E2F1: variants seen among roughly 807,000 people sequenced by gnomAD.
E2F1 encodes the protein E2F transcription factor 1, also known as transcription factor E2F1.
E2F1 carries 7 observed loss-of-function variants against 36.9 expected under a neutral mutation model. The ratio of observed to expected loss-of-function variants is 0.19; its 90% CI spans 0.11 to 0.36. The LOEUF (loss-of-function observed/expected upper bound fraction) is 0.36. E2F1 is among the 10% of genes least tolerant of loss of function. The probability of loss-of-function intolerance (pLI) is 1.00; values close to 1 mark genes in which losing one functional copy is unlikely to be tolerated. For missense variants in E2F1, 406 were observed against 573.6 expected (o/e 0.71, Z 2.99); for synonymous variants, 261 against 263.1 (o/e 0.99, Z 0.08).
chr20:33,679,844 C>T lies in E2F1; in HGVS notation c.483G>A (p.Lys161=). 1.2e-6 allele frequency: 2 copies of T among 1,614,264 alleles called. No homozygotes were observed. ...VDLNWAAEVL[K]VQKRRIYDIT... is the part of the protein sequence containing the mutation. ...TGTCATAGATGCGCCGCTTCTGCAC[C>T]TTCAGCACCTCGGCAGCCCAGTTCA... The change falls in exon 3 of 7, where the codon AAG becomes AAA. Residue 161 remains lysine, a synonymous_variant. Transcript: ENST00000343380. The surrounding 1 kb of genome is among the most constrained non-coding windows in gnomAD (Gnocchi z 4.6).
At chr20:33,680,986 C>G (rs572516495) in intron 1 of E2F1, among the ~76,000 whole-genome samples, 1 of 152,316 alleles carries the variant, frequency 6.6e-6, no homozygotes, top group African/African-American at 2.4e-5. Context: ...TAAGTCTTCC[C>G]TGAATTCCTG....
rs1415381743 is a variant in E2F1 at position 33,679,380 on chromosome 20, C to T, written c.572+375G>A. On this transcript the variant is annotated intron_variant, in intron 3 of 6. Transcript: ENST00000343380. The surrounding 1 kb of genome is among the most constrained non-coding windows in gnomAD (Gnocchi z 4.6). The stretch of plus-strand genomic sequence containing the variant: ...CCAACATGGTGAAACCCCATTTCTA[C>T]TACAAATACAAAAAGTAGCTGGGCA... 6.6e-6 allele frequency among the ~76,000 whole-genome samples: 1 copy of T among 152,152 alleles called. No individual in the cohort carries two copies. Among genetic ancestry groups the T allele is most frequent in the Non-Finnish European group, 1.5e-5 (1 of 68,034 alleles).
chr20:33,682,565 G>A (rs148897387), intron 1 of E2F1, among the ~76,000 whole-genome samples: 26 of 152,298 alleles, frequency 1.7e-4, no homozygotes, highest in Non-Finnish European at 3.2e-4. Context: ...TGCACCCCTT[G>A]CCTTCTCCCT....
intron 1 of E2F1, among the ~76,000 whole-genome samples, chr20:33,682,119 C>T (rs1467765027): frequency 6.6e-6 from 1 of 152,178 alleles, no homozygotes; most frequent in East Asian, 1.9e-4. Context: ...TCTCTCCCTA[C>T]ACATTTCTGC....
At chr20:33,684,616 A>T (rs2018048086) in intron 1 of E2F1, among the ~76,000 whole-genome samples, 1 of 152,212 alleles carries the variant, frequency 6.6e-6, no homozygotes, top group Non-Finnish European at 1.5e-5. Context: ...ACTGCTGCTG[A>T]TGGGGTTAAA....
At position 33,685,920 on chromosome 20, in the gene E2F1, C is replaced by A. The variant is rs893120684; in HGVS notation, c.261+84G>T. 5.7e-6 allele frequency: 6 copies of A among 1,050,048 alleles called. No homozygotes were observed. In the African/African-American group the frequency reaches 1.0e-4, roughly 18 times the overall value. 65.0% of individuals were successfully genotyped at this position (1,050,048 alleles called of 1,614,324 possible). A position where few individuals can be genotyped will look rare whatever the true frequency, so the allele number is the denominator to read the frequency against. ...TCAACCCCTCCCCCGCCCCCTGCCG[C>A]CTCCAGGCCAAACACGGCGCCCTCC... On this transcript the variant is annotated intron_variant, in intron 1 of 6. Coordinates refer to ENST00000343380, the MANE Select transcript of E2F1 (RefSeq NM_005225.3).
Position 33,686,355 on chromosome 20 carries a change from CG to C in E2F1, c.-92del. On this transcript the variant is annotated 5_prime_UTR_variant, in exon 1 of 7. Transcript: ENST00000343380. ...CCTCGGCGAGGGCTCGATCCCGCTC[CG>C]CCCCCGGCCGCCGCTGCCTGCAAAG... 1 of 958,212 alleles carries C rather than the reference CG, an allele frequency of 1.0e-6. No homozygotes were observed. The highest frequency in any genetic ancestry group is 1.2e-6 in the Non-Finnish European group (1 of 804,406). 59.4% of individuals were successfully genotyped at this position (958,212 alleles called of 1,614,324 possible).
Position 33,678,222 on chromosome 20 carries a change from G to A in E2F1, c.704C>T (p.Ser235Phe). 1 of 1,613,358 alleles carries A rather than the reference G, an allele frequency of 6.2e-7. No homozygotes were observed. The highest frequency in any genetic ancestry group is 8.5e-7 in the Non-Finnish European group (1 of 1,179,584). The change falls in exon 4 of 7, where the codon TCC becomes TTC. Residue 235 changes from serine (S) to phenylalanine (F), a missense_variant. Transcript: ENST00000343380. The part of the protein sequence containing the change: ...NICTTQLRLL[S>F]EDTDSQRLAY... ...ATATCGCTGGCTGTCAGTGTCCTCG[G>A]AGAGCAGGCGCAGCTGCGTAGTACA...
In E2F1 at chr20:33,679,907, C is replaced by T; in HGVS notation, c.420G>A (p.Leu140=). 1 of 1,614,230 alleles carries T rather than the reference C, an allele frequency of 6.2e-7. No homozygotes were observed. The highest frequency in any genetic ancestry group is 8.5e-7 in the Non-Finnish European group (1 of 1,180,038). The change falls in exon 3 of 7, where the codon CTG becomes CTA. Residue 140 remains leucine (L), a synonymous_variant. Coordinates refer to ENST00000343380, the MANE Select transcript of E2F1 (RefSeq NM_005225.3). The surrounding 1 kb of genome is among the most constrained non-coding windows in gnomAD (Gnocchi z 4.6). The part of the protein sequence containing the change: ...TSLNLTTKRF[L]ELLSHSADGV... ...CGTCAGCCGAGTGGCTCAGCAGCTC[C>T]AGGAAGCGCTTGGTGGTCAGATTCA...
chr20:33,681,225 G>C (rs1342487033), intron 1 of E2F1, among the ~76,000 whole-genome samples: 2 of 152,062 alleles, frequency 1.3e-5, no homozygotes, highest in Non-Finnish European at 2.9e-5. Flanking sequence ...TTCTCGTAGA[G>C]ATGGGGTCTC....
chr20:33,684,756 AG>A (rs2018050459), intron 1 of E2F1, among the ~76,000 whole-genome samples: 1 of 152,196 alleles, frequency 6.6e-6, no homozygotes. Context: ...CATGGGGCCA[AG>A]GGGGTTGGGG....
chr20:33,684,194 T>C (rs543705401), intron 1 of E2F1, among the ~76,000 whole-genome samples: 6 of 152,368 alleles, frequency 3.9e-5, no homozygotes, highest in South Asian at 4.1e-4. Flanking sequence ...TCTTTGCCCC[T>C]GTCCCTCCCT....
intron 1 of E2F1, among the ~76,000 whole-genome samples, chr20:33,683,134 C>T (rs1196632958): frequency 6.6e-6 from 1 of 152,104 alleles, no homozygotes; most frequent in Non-Finnish European, 1.5e-5. Context: ...GGGATCCTGC[C>T]GTCAACTTTC....
At chr20:33,677,019 G>C (rs761517377) in intron 6 of E2F1, 40 bp from the exon 7 acceptor site, 2 of 1,559,198 alleles carry the variant, frequency 1.3e-6, no homozygotes, top group South Asian at 1.2e-5. Context: ...GGATGCCCCA[G>C]CAGGGAGGAA....
intron 1 of E2F1, among the ~76,000 whole-genome samples, chr20:33,685,203 G>A (rs2018055055): frequency 6.6e-6 from 1 of 152,150 alleles, no homozygotes; most frequent in African/African-American, 2.4e-5. Flanking sequence ...CTTCTACAGA[G>A]ACTCAGGGGT....
Position 33,679,150 on chromosome 20 carries a change from T to A in E2F1, c.572+605A>T, listed in dbSNP as rs1301780445. Among the ~76,000 whole-genome samples, 1 of 152,204 alleles carries A rather than the reference T, an allele frequency of 6.6e-6. No individual in the cohort carries two copies. The highest frequency in any genetic ancestry group is 2.4e-5 in the African/African-American group (1 of 41,448). ...CCAGGATAGTGGTGACCTGGCGGTG[T>A]GAGGGGTTGGCAATGACTGGAAAGG... is the stretch of plus-strand genomic sequence containing the variant. On this transcript the variant is annotated intron_variant, in intron 3 of 6. Coordinates refer to ENST00000343380, the MANE Select transcript of E2F1 (RefSeq NM_005225.3). This position sits in a 1 kb window ranked among gnomAD's most constrained non-coding sequence, Gnocchi z 4.6.
At position 33,676,181 on chromosome 20, in the gene E2F1, T is replaced by C. The variant is rs2017951092; in HGVS notation, c.*551A>G. 1 of 152,978 alleles carries C rather than the reference T, an allele frequency of 6.5e-6. No homozygotes were observed. The highest frequency in any genetic ancestry group is 1.9e-4 in the East Asian group (1 of 5,194). The allele number at this position is 152,978 out of a possible 1,614,324, so 9.5% of individuals were successfully genotyped here. A position where few individuals can be genotyped will look rare whatever the true frequency, so the allele number is the denominator to read the frequency against. On this transcript the variant is annotated 3_prime_UTR_variant, in exon 7 of 7. Coordinates refer to ENST00000343380, the MANE Select transcript of E2F1 (RefSeq NM_005225.3). ...GCCTCGATAAATAAATAACGCTCCA[T>C]TAAAGCTTCAATCAGAAAAAACCTT...
chr20:33,678,762 C>T (rs1177738173), intron 3 of E2F1, among the ~76,000 whole-genome samples: 2 of 152,018 alleles, frequency 1.3e-5, no homozygotes, highest in Non-Finnish European at 2.9e-5. Flanking sequence ...TGAGACCAGC[C>T]TGGGCAACAC....
At chr20:33,680,239 CG>C in intron 2 of E2F1, 86 bp downstream of exon 2, 2 of 1,423,562 alleles carry the variant, frequency 1.4e-6, no homozygotes, top group Non-Finnish European at 1.9e-6. Flanking sequence ...ACAAGCCAGA[CG>C]TTAGCTTGCA....
Sources: gnomAD v4.1 joint callset for allele counts (sites outside exome capture counted in the v4.1 genomes callset) on GRCh38, gnomAD v4.1.1 for gene constraint, Gnocchi (gnomAD v3.1) non-coding constraint, MANE v1.5 for transcripts, NCBI Gene and HGNC (gene_info 2026-07-23, HGNC 2026-07-21) for gene names.